The following CPA3 variants were observed in gnomAD, a reference collection of about 807,000 sequenced individuals.
The protein encoded by CPA3 is mast cell carboxypeptidase A.
In CPA3, 52 loss-of-function variants were observed where a neutral mutation model predicts 55.8. The observed-to-expected ratio is 0.93, with a 90% CI of 0.75 to 1.17. CPA3 has a LOEUF of 1.17. CPA3 is among the 50% of genes most tolerant of loss of function. The pLI, the probability that CPA3 is intolerant of heterozygous loss-of-function variation, is 0.00. For synonymous variants in CPA3, 179 were observed against 171.2 expected, an observed-to-expected ratio of 1.05 and a Z score of -0.36; for missense variants, 547 against 509.1, an observed-to-expected ratio of 1.07 and a Z score of -0.72.
chr3:148,870,637 T>A (rs1007420506), intron 3 of CPA3, among the ~76,000 whole-genome samples: 18 of 152,126 alleles, frequency 1.2e-4, no homozygotes, highest in Non-Finnish European at 1.9e-4. Flanking sequence ...GCTGTGCACA[T>A]GTACCCTAGA....
Position 148,896,817 on chromosome 3 carries a change from C to G in CPA3, c.*110C>G, listed in dbSNP as rs1009370790. ...CAGCTTCTATTTCACCTGAATCCTTCTCTTGCTCATTTAAGTCCCATGTTA... is the reference window on the plus strand; with the variant it reads ...CAGCTTCTATTTCACCTGAATCCTTGTCTTGCTCATTTAAGTCCCATGTTA... On this transcript the variant is annotated 3_prime_UTR_variant, in exon 11 of 11. Coordinates refer to ENST00000296046, the MANE Select transcript of CPA3 (RefSeq NM_001870.4). 1 of 914,386 alleles carries G rather than the reference C, an allele frequency of 1.1e-6. No individual in the cohort carries two copies. The highest frequency in any genetic ancestry group is 1.6e-5 in the African/African-American group (1 of 60,612). 56.6% of individuals were successfully genotyped at this position (914,386 alleles called of 1,614,324 possible).
chr3:148,888,209 C>T (rs184703404), intron 10 of CPA3, among the ~76,000 whole-genome samples: 3 of 152,320 alleles, frequency 2.0e-5, no homozygotes, highest in African/African-American at 7.2e-5. Flanking sequence ...AGTCTACATC[C>T]TCAGCAATTG....
intron 3 of CPA3, among the ~76,000 whole-genome samples, chr3:148,875,948 T>C (rs1714189581): frequency 6.6e-6 from 1 of 152,080 alleles, no homozygotes; most frequent in Non-Finnish European, 1.5e-5. Flanking sequence ...TTATTTATCA[T>C]AGTTCAGAGA....
At chr3:148,887,406 C>A (rs1201392442) in intron 10 of CPA3, among the ~76,000 whole-genome samples, 1 of 152,186 alleles carries the variant, frequency 6.6e-6, no homozygotes, top group Non-Finnish European at 1.5e-5. Context: ...AGCTTCACAA[C>A]AACCCTATGA....
rs1212413511 is a variant in CPA3, at chr3:148,866,450, T to C, written c.144+902T>C. Among the ~76,000 whole-genome samples, 3 of 152,250 alleles carry C rather than the reference T, an allele frequency of 2.0e-5. No homozygotes were observed. In the East Asian group the frequency reaches 5.8e-4, roughly 29 times the overall value. On this transcript the variant is annotated intron_variant, in intron 2 of 10. Coordinates refer to ENST00000296046, the MANE Select transcript of CPA3 (RefSeq NM_001870.4). ...GTCTTGACTCCCACAAAGCCAACTC[T>C]GCATTGCAACCTGATTGCTCACTCT...
intron 10 of CPA3, among the ~76,000 whole-genome samples, 183 bp downstream of exon 10, chr3:148,886,360 A>T (rs953657886): frequency 1.3e-5 from 2 of 152,154 alleles, no homozygotes; most frequent in African/African-American, 4.8e-5. Context: ...TTTTCTTGGG[A>T]TAAGATTTTT....
intron 8 of CPA3, among the ~76,000 whole-genome samples, chr3:148,882,866 T>A (rs1438660030): frequency 6.6e-6 from 1 of 152,114 alleles, no homozygotes; most frequent in Non-Finnish European, 1.5e-5. Context: ...TGTATAAAAA[T>A]TCAGATAATC....
intron 9 of CPA3, among the ~76,000 whole-genome samples, chr3:148,884,095 A>T (rs573849633): frequency 2.0e-3 from 301 of 152,232 alleles, no homozygotes; most frequent in Non-Finnish European, 2.8e-3. Flanking sequence ...AACACAGCTC[A>T]TTGTGGGGTT....
At chr3:148,869,235 C>T (rs947267557) in intron 3 of CPA3, among the ~76,000 whole-genome samples, 196 bp downstream of exon 3, 4 of 152,152 alleles carry the variant, frequency 2.6e-5, no homozygotes, top group African/African-American at 9.7e-5. Context: ...TCAAACTTGG[C>T]AGTTCAACAT....
intron 10 of CPA3, among the ~76,000 whole-genome samples, chr3:148,887,880 A>G (rs1363761087): frequency 6.6e-6 from 1 of 152,188 alleles, no homozygotes; most frequent in East Asian, 1.9e-4. Context: ...CTCAATGATA[A>G]TGGTGTCCTG....
At chr3:148,893,610 T>G (rs761107487) in intron 10 of CPA3, among the ~76,000 whole-genome samples, 3 of 152,034 alleles carry the variant, frequency 2.0e-5, no homozygotes, top group Non-Finnish European at 4.4e-5. Flanking sequence ...GGAAAAAAAA[T>G]GTTTGAAGAA....
chr3:148,871,769 G>A (rs1714075392), intron 3 of CPA3, among the ~76,000 whole-genome samples: 1 of 152,114 alleles, frequency 6.6e-6, no homozygotes, highest in Admixed American at 6.5e-5. Flanking sequence ...CACAGTTATG[G>A]GAAAGCCAAA....
At position 148,869,097 on chromosome 3, in the gene CPA3, A is replaced by G. The variant is rs901998372; in HGVS notation, c.269+58A>G. On this transcript the variant is annotated intron_variant, in intron 3 of 10. Transcript: ENST00000296046. ...ATATTCAAAGTTTTGGGAGCCTTGA[A>G]GTAGAGGAAAGTATTACAATGGACC... 1.9e-6 allele frequency: 3 copies of G among 1,585,908 alleles called. No homozygotes were observed. In the African/African-American group the frequency reaches 4.0e-5, roughly 21 times the overall value.
chr3:148,885,265 T>C (rs143829420), intron 9 of CPA3, among the ~76,000 whole-genome samples: 184 of 151,864 alleles, frequency 1.2e-3, no homozygotes, highest in African/African-American at 4.0e-3. Flanking sequence ...GAGACAATTA[T>C]CTGAAGCCAA....
At chr3:148,886,546 T>A (rs899276871) in intron 10 of CPA3, among the ~76,000 whole-genome samples, 1 of 151,572 alleles carries the variant, frequency 6.6e-6, no homozygotes, top group South Asian at 2.1e-4. Flanking sequence ...AAAAAAAAAA[T>A]TAGCCAGGCA....
At position 148,871,153 on chromosome 3, in the gene CPA3, T is replaced by A. The variant is rs146815022; in HGVS notation, c.269+2114T>A. ...ACCTTGTGATCCACTCACCTCGGCC[T>A]AGCCACCGCACCAGGCCTACTGTGT... On this transcript the variant is annotated intron_variant, in intron 3 of 10. Coordinates refer to ENST00000296046, the MANE Select transcript of CPA3 (RefSeq NM_001870.4). 1.1e-3 allele frequency among the ~76,000 whole-genome samples: 160 copies of A among 152,310 alleles called. 1 individual carries two copies. The highest frequency in any genetic ancestry group is 3.6e-3 in the African/African-American group (151 of 41,568).
chr3:148,869,108 G>A, intron 3 of CPA3, 69 bp downstream of exon 3: 2 of 1,555,900 alleles, frequency 1.3e-6, no homozygotes, highest in Non-Finnish European at 1.7e-6. Flanking sequence ...GTAGAGGAAA[G>A]TATTACAATG....
intron 10 of CPA3, 150 bp from the exon 11 acceptor site, chr3:148,896,370 C>CTGTACTATGCACTCTGTAG (rs1446133547): frequency 2.5e-5 from 14 of 552,330 alleles, no homozygotes; most frequent in Non-Finnish European, 3.6e-5. Flanking sequence ...ACTATGCACT[C>CTGTACTATGCACTCTGTAG]TGTACTATTC....
Position 148,868,932 on chromosome 3 carries a change from A to G in CPA3, c.162A>G (p.Pro54=). The change falls in exon 3 of 11, where the codon CCA becomes CCG. Residue 54 remains proline, a synonymous_variant. Coordinates refer to ENST00000296046, the MANE Select transcript of CPA3 (RefSeq NM_001870.4). ...AKTNELDFWY[P]GATHHVAANM... ...CTCTGCAGCTTGACTTCTGGTATCC[A>G]GGTGCCACCCACCACGTAGCTGCTA... The G allele has an allele frequency of 6.8e-6, 11 of 1,613,882 alleles. No homozygotes were observed. Among genetic ancestry groups the G allele is most frequent in the Non-Finnish European group, 9.3e-6 (11 of 1,179,948 alleles).
Sources: gnomAD v4.1 joint callset for allele counts (sites outside exome capture counted in the v4.1 genomes callset) on GRCh38, gnomAD v4.1.1 for gene constraint, MANE v1.5 for transcripts, NCBI Gene and HGNC (gene_info 2026-07-23, HGNC 2026-07-21) for gene names.